The following TVP23B variants were observed in gnomAD, a reference collection of about 807,000 sequenced individuals.
TVP23B encodes the protein trans-golgi network vesicle protein 23 homolog B.
A neutral mutation model predicts 30.6 loss-of-function variants in TVP23B; 10 were observed. That is an observed-to-expected ratio of 0.33 (90% CI 0.20 to 0.55). The LOEUF (loss-of-function observed/expected upper bound fraction) is 0.55. Ranked by LOEUF, TVP23B falls within the 20% of genes least tolerant of loss-of-function variation. The probability of loss-of-function intolerance (pLI) is 0.91; values close to 1 mark genes in which losing one functional copy is unlikely to be tolerated. For missense variants in TVP23B, 153 were observed against 243.2 expected, an observed-to-expected ratio of 0.63 and a Z score of 2.47; for synonymous variants, 67 against 83.1, an observed-to-expected ratio of 0.81 and a Z score of 1.06.
At chr17:18,786,570 A>C (rs559442992) in intron 1 of TVP23B, among the ~76,000 whole-genome samples, 1 of 151,752 alleles carries the variant, frequency 6.6e-6, no homozygotes, top group African/African-American at 2.4e-5. Flanking sequence ...GTGGATCTCA[A>C]TCTTGCTGTA....
intron 1 of TVP23B, among the ~76,000 whole-genome samples, chr17:18,787,520 G>A (rs1449007024): frequency 1.3e-5 from 2 of 152,030 alleles, no homozygotes; most frequent in African/African-American, 4.8e-5. Flanking sequence ...ATGGAGATTC[G>A]TCCAAGTGCT....
At chr17:18,800,819 A>C (rs62075107) in intron 5 of TVP23B, among the ~76,000 whole-genome samples, 1 of 152,052 alleles carries the variant, frequency 6.6e-6, no homozygotes, top group Admixed American at 6.5e-5. Flanking sequence ...AGTACCAGTT[A>C]CGTTTATGTT....
intron 3 of TVP23B, among the ~76,000 whole-genome samples, chr17:18,793,472 G>A (rs1474906672): frequency 4.0e-5 from 6 of 150,278 alleles, no homozygotes; most frequent in African/African-American, 1.2e-4. Context: ...AAAATGAGCC[G>A]GGCGTGGTGG....
intron 4 of TVP23B, 85 bp from the exon 5 acceptor site, chr17:18,798,727 T>G (rs1268379083): frequency 2.6e-6 from 4 of 1,529,552 alleles, no homozygotes; most frequent in Non-Finnish European, 1.8e-6. Flanking sequence ...TTTGAACTTG[T>G]GGGTAATATG....
intron 1 of TVP23B, among the ~76,000 whole-genome samples, chr17:18,785,741 G>A (rs1299902213): frequency 6.6e-6 from 1 of 152,040 alleles, no homozygotes; most frequent in Non-Finnish European, 1.5e-5. Context: ...ATGGTGGCTT[G>A]CAGTACTCAG....
chr17:18,802,129 G>A (rs9891668), intron 5 of TVP23B, among the ~76,000 whole-genome samples: 13,660 of 152,174 alleles, frequency 0.09, 629 homozygotes, highest in African/African-American at 0.11. Context: ...GGCTGAGGCA[G>A]GAGAATGGAG....
chr17:18,783,874 CG>C (rs2035853990), intron 1 of TVP23B, among the ~76,000 whole-genome samples: 1 of 152,162 alleles, frequency 6.6e-6, no homozygotes, highest in Admixed American at 6.6e-5. Flanking sequence ...TGGCCGGGCG[CG>C]GTGGCTCACG....
At chr17:18,793,779 A>G (rs1812116384) in intron 3 of TVP23B, among the ~76,000 whole-genome samples, 1 of 152,100 alleles carries the variant, frequency 6.6e-6, no homozygotes, top group African/African-American at 2.4e-5. Flanking sequence ...GTAATAGCAA[A>G]TTCATTATAA....
chr17:18,791,197 T>G (rs1396714048), intron 3 of TVP23B, among the ~76,000 whole-genome samples, 157 bp downstream of exon 3: 1 of 145,192 alleles, frequency 6.9e-6, no homozygotes, highest in African/African-American at 2.6e-5. Flanking sequence ...GTTTTTTTTT[T>G]TTTTTTTTTT....
At chr17:18,789,100 G>A (rs918377987) in intron 1 of TVP23B, 7 of 504,628 alleles carry the variant, frequency 1.4e-5, no homozygotes, top group Non-Finnish European at 2.5e-5. Context: ...GCACCCTAGA[G>A]TTTTCTCAGA....
At chr17:18,793,443 TAA>T (rs67506831) in intron 3 of TVP23B, among the ~76,000 whole-genome samples, 112 of 100,226 alleles carry the variant, frequency 1.1e-3, no homozygotes, top group Middle Eastern at 5.3e-3. Flanking sequence ...CCATCTCTGC[TAA>T]AAAAAAAAAA....
At chr17:18,782,924 C>G (rs1164218022) in intron 1 of TVP23B, among the ~76,000 whole-genome samples, 2 of 150,798 alleles carry the variant, frequency 1.3e-5, no homozygotes, top group African/African-American at 4.9e-5. Context: ...TTTAGAATGC[C>G]CTGTCTGGGA....
At chr17:18,794,499 T>G (rs1597619752) in intron 3 of TVP23B, among the ~76,000 whole-genome samples, 1 of 152,158 alleles carries the variant, frequency 6.6e-6, no homozygotes, top group East Asian at 1.9e-4. Flanking sequence ...ACAGTTAAAC[T>G]TTCTGAATAT....
intron 5 of TVP23B, among the ~76,000 whole-genome samples, chr17:18,803,837 CAG>C (rs769049482): frequency 2.6e-5 from 4 of 152,122 alleles, no homozygotes; most frequent in Non-Finnish European, 4.4e-5. Context: ...CAATGGGAAA[CAG>C]AGAGCAAGAA....
At chr17:18,791,204 T>G (rs1167916112) in intron 3 of TVP23B, among the ~76,000 whole-genome samples, 164 bp downstream of exon 3, 37 of 146,838 alleles carry the variant, frequency 2.5e-4, no homozygotes, top group African/African-American at 8.5e-4. Context: ...TTTTTTTTTT[T>G]TTTTTTTTCA....
intron 6 of TVP23B, 172 bp downstream of exon 6, chr17:18,804,438 T>C: frequency 7.9e-7 from 1 of 1,273,216 alleles, no homozygotes; most frequent in Non-Finnish European, 1.0e-6. Flanking sequence ...TCTGGAAGTG[T>C]ATTGTCAGTA....
intron 5 of TVP23B, among the ~76,000 whole-genome samples, chr17:18,800,947 A>G (rs1300514404): frequency 2.6e-5 from 4 of 152,182 alleles, no homozygotes; most frequent in Admixed American, 1.3e-4. Flanking sequence ...CTGGAGACAC[A>G]GGGGGATAAG....
intron 5 of TVP23B, among the ~76,000 whole-genome samples, chr17:18,802,099 G>A (rs8077275): frequency 0.46 from 69,119 of 151,590 alleles, 15,981 homozygotes; most frequent in Non-Finnish European, 0.5. Context: ...GCAGGCACCT[G>A]TAGTCCCAGT....
intron 2 of TVP23B, 57 bp from the exon 3 acceptor site, chr17:18,790,839 T>C: frequency 6.6e-7 from 1 of 1,503,846 alleles, no homozygotes; most frequent in South Asian, 1.2e-5. Context: ...TCTCTACATT[T>C]GCTAGTACCT....
Sources: allele counts gnomAD v4.1 joint callset (sites outside exome capture counted in the v4.1 genomes callset), GRCh38; gene constraint gnomAD v4.1.1; transcripts MANE v1.5; gene names NCBI Gene and HGNC (gene_info 2026-07-23, HGNC 2026-07-21).